The following WAC variants were observed in gnomAD, a reference collection of about 807,000 sequenced individuals.
The protein encoded by WAC is WW domain-containing adapter protein with coiled-coil.
WAC carries 11 observed loss-of-function variants against 79.6 expected under a neutral mutation model. The observed-to-expected ratio is 0.14, with a 90% CI of 0.09 to 0.23. The LOEUF is 0.23. Among genes scored for constraint, WAC ranks in the 10% least tolerant of loss-of-function variants. The pLI is 1.00. For missense variants in WAC, 728 were observed against 773.5 expected (o/e 0.94, Z 0.70); for synonymous variants, 304 against 276.9 (o/e 1.10, Z -0.97).
intron 10 of WAC, among the ~76,000 whole-genome samples, chr10:28,612,431 C>T (rs1841286719): frequency 6.6e-6 from 1 of 152,152 alleles, no homozygotes; most frequent in African/African-American, 2.4e-5. Flanking sequence ...TTTGTGAATA[C>T]AGGGACCCAT....
Position 28,616,272 on chromosome 10 carries a change from G to T in WAC, c.1656G>T (p.Thr552=). 6.2e-7 allele frequency: 1 copy of T among 1,613,894 alleles called. No individual in the cohort carries two copies. The highest frequency in any genetic ancestry group is 8.5e-7 in the Non-Finnish European group (1 of 1,179,926). Residue 552 remains threonine, a synonymous_variant, in exon 12 of 14, where the codon ACG becomes ACT. Transcript: ENST00000354911. ...VVPQNSSARS[T]CSLTPALAAH... is the part of the protein sequence containing the mutation. The stretch of plus-strand genomic sequence containing the variant: ...CACAGAATTCTTCTGCCCGATCCAC[G>T]TGTTCATTAACGCCTGCACTAGCAG...
At chr10:28,545,854 C>G (rs1837323020) in intron 3 of WAC, among the ~76,000 whole-genome samples, 1 of 152,172 alleles carries the variant, frequency 6.6e-6, no homozygotes, top group Admixed American at 6.5e-5. Flanking sequence ...TAGATAATAC[C>G]TACTTAGGTA....
At chr10:28,536,575 T>C (rs1248182409) in intron 3 of WAC, among the ~76,000 whole-genome samples, 1 of 152,254 alleles carries the variant, frequency 6.6e-6, no homozygotes, top group African/African-American at 2.4e-5. Flanking sequence ...TTCAGTATTC[T>C]CCAGTTTTGG....
At position 28,535,687 on chromosome 10, in the gene WAC, A is replaced by C; in HGVS notation, c.204A>C (p.Lys68Asn). Reference protein sequence around the residue: ...MLRRSDSPENKYSDSTGHSKA... With the variant: ...MLRRSDSPENNYSDSTGHSKA... ...GGAGATCTGATAGTCCTGAAAACAA[A>C]TACAGTGACAGCACAGGTCACAGTA... is the stretch of plus-strand genomic sequence containing the variant. Residue 68 changes from lysine (K) to asparagine (N), a missense_variant, in exon 3 of 14, where the codon AAA becomes AAC. Around this residue, in one of 3 missense-constraint regions of WAC, gnomAD observed 648 missense variants for 661.5 expected, o/e 0.98. Transcript: ENST00000354911. 1 of 1,614,172 alleles carries C rather than the reference A, an allele frequency of 6.2e-7. No individual in the cohort carries two copies. Among genetic ancestry groups the C allele is most frequent in the Non-Finnish European group, 8.5e-7 (1 of 1,180,036 alleles).
chr10:28,610,530 A>G (rs1021736413), intron 8 of WAC, among the ~76,000 whole-genome samples, 169 bp from the exon 9 acceptor site: 12 of 150,744 alleles, frequency 8.0e-5, no homozygotes, highest in Non-Finnish European at 2.9e-5. Flanking sequence ...GCCTCAGATC[A>G]TTTCAAATTT....
At chr10:28,585,540 CTTTCT>C in intron 4 of WAC, among the ~76,000 whole-genome samples, 1 of 150,900 alleles carries the variant, frequency 6.6e-6, no homozygotes. Flanking sequence ...TTTCTTTTTC[CTTTCT>C]TTTTTTTTTT....
intron 3 of WAC, among the ~76,000 whole-genome samples, chr10:28,558,222 T>C (rs1838105407): frequency 6.6e-6 from 1 of 151,590 alleles, no homozygotes; most frequent in Non-Finnish European, 1.5e-5. Flanking sequence ...ATTTTTCTCC[T>C]TTTTTTTTCT....
chr10:28,595,591 TG>T (rs1840319198), intron 6 of WAC, 141 bp from the exon 7 acceptor site: 1 of 781,386 alleles, frequency 1.3e-6, no homozygotes, highest in Non-Finnish European at 2.0e-6. Flanking sequence ...AGACACTAAC[TG>T]GGTTTGCAGT....
At chr10:28,610,572 C>T (rs1841188699) in intron 8 of WAC, 127 bp from the exon 9 acceptor site, 1 of 972,448 alleles carries the variant, frequency 1.0e-6, no homozygotes, top group Non-Finnish European at 1.4e-6. Flanking sequence ...ATCTAGTAGG[C>T]TTTTATTTTG....
In WAC at chr10:28,534,013, G is replaced by C; in HGVS notation, c.57G>C (p.Arg19Ser). The C allele has an allele frequency of 6.2e-7, 1 of 1,602,204 alleles. No individual in the cohort carries two copies. Among genetic ancestry groups the C allele is most frequent in the Non-Finnish European group, 8.5e-7 (1 of 1,174,618 alleles). Residue 19 changes from arginine to serine, a missense_variant, in exon 2 of 14, where the codon AGG becomes AGC. Physicochemically the swap from Arg to Ser is moderately radical, Grantham distance 110 (BLOSUM62 -1). Coordinates refer to ENST00000354911, the MANE Select transcript of WAC (RefSeq NM_016628.5). ...TGTTTTTCAGCTGTCACGACCGGAG[G>C]GGGGACTCGCAGCCTTACCAGGTAC... is the stretch of plus-strand genomic sequence containing the variant. ...QRLSDGCHDR[R>S]GDSQPYQALK...
chr10:28,604,515 T>G (rs1476085252), intron 7 of WAC, among the ~76,000 whole-genome samples: 1 of 152,092 alleles, frequency 6.6e-6, no homozygotes, highest in African/African-American at 2.4e-5. Flanking sequence ...ACAGATCAGT[T>G]GAGGCCAGGA....
chr10:28,551,667 A>T (rs368022808), intron 3 of WAC, among the ~76,000 whole-genome samples: 2 of 152,172 alleles, frequency 1.3e-5, no homozygotes, highest in African/African-American at 4.8e-5. Context: ...CCAATAATTA[A>T]TTAGCTTAAG....
intron 7 of WAC, among the ~76,000 whole-genome samples, chr10:28,607,035 TTTC>T (rs759664903): frequency 2.6e-5 from 4 of 152,230 alleles, no homozygotes; most frequent in African/African-American, 4.8e-5. Context: ...TTGAGCATCT[TTTC>T]TTGAATTTCC....
rs1291456928 is a variant in WAC at position 28,552,616 on chromosome 10, A to G, written c.274+16859A>G. On this transcript the variant is annotated intron_variant, in intron 3 of 13. Transcript: ENST00000354911. The stretch of plus-strand genomic sequence containing the variant: ...TAAAACTGAAAATTTTGAATCATAT[A>G]GTCAGAACTCTTTGAATATTGACTG... Among the ~76,000 whole-genome samples the G allele has an allele frequency of 1.3e-5, 2 of 152,210 alleles. 1 individual carries two copies. Among genetic ancestry groups the G allele is most frequent in the East Asian group, 3.8e-4 (2 of 5,204 alleles).
rs752145800 is a variant in WAC at position 28,616,518 on chromosome 10, GAT to G, written c.1746+158_1746+159del. Among the ~76,000 whole-genome samples, 16 of 152,292 alleles carry G rather than the reference GAT, an allele frequency of 1.1e-4. No homozygotes were observed. In the South Asian group the frequency reaches 2.7e-3, roughly 26 times the overall value. ...CATTTAAAAAATATTTGATATATAA[GAT>G]AACTTTTCTGGTTTTACAAAATATT... is the stretch of plus-strand genomic sequence containing the variant. On this transcript the variant is annotated intron_variant, in intron 12 of 13. Coordinates refer to ENST00000354911, the MANE Select transcript of WAC (RefSeq NM_016628.5).
In WAC at chr10:28,603,949, A is replaced by ATATG. The variant is rs1174209906; in HGVS notation, c.920-4225_920-4222dup. Among the ~76,000 whole-genome samples, 70 of 33,114 alleles carry ATATG rather than the reference A, an allele frequency of 2.1e-3. 3 individuals are homozygous for ATATG. The highest frequency in any genetic ancestry group is 7.9e-3 in the African/African-American group (65 of 8,188). The allele number at this position is 33,114 out of a possible 152,430, so 21.7% of individuals were successfully genotyped here. A position where few individuals can be genotyped will look rare whatever the true frequency, so the allele number is the denominator to read the frequency against. On this transcript the variant is annotated intron_variant, in intron 7 of 13. Coordinates refer to ENST00000354911, the MANE Select transcript of WAC (RefSeq NM_016628.5). ...ACTCCGTCTCAAAAAAAAAATATATATATGTATGTATGTATATATATATAT... is the reference window on the plus strand; with the variant it reads ...ACTCCGTCTCAAAAAAAAAATATATATATGTATGTATGTATGTATATATATATAT...
At chr10:28,585,171 A>T (rs1839751335) in intron 4 of WAC, among the ~76,000 whole-genome samples, 1 of 152,194 alleles carries the variant, frequency 6.6e-6, no homozygotes, top group Non-Finnish European at 1.5e-5. Flanking sequence ...GGTAACACAT[A>T]CAGTAATCAC....
intron 3 of WAC, among the ~76,000 whole-genome samples, chr10:28,554,572 G>C (rs1210515892): frequency 6.6e-6 from 1 of 151,876 alleles, no homozygotes; most frequent in African/African-American, 2.4e-5. Context: ...CTTTTTCTAG[G>C]TTGGGCCATG....
chr10:28,574,504 G>T (rs1372840599), intron 3 of WAC, among the ~76,000 whole-genome samples: 1 of 151,996 alleles, frequency 6.6e-6, no homozygotes, highest in Non-Finnish European at 1.5e-5. Context: ...CTGCAGTGGT[G>T]CAATCTCAGC....
Sources: allele counts gnomAD v4.1 joint callset (sites outside exome capture counted in the v4.1 genomes callset), GRCh38; gene constraint gnomAD v4.1.1; regional missense constraint gnomAD v4.1.1; transcripts MANE v1.5; gene names NCBI Gene and HGNC (gene_info 2026-07-23, HGNC 2026-07-21).